The following PPEF2 variants were observed in gnomAD, a reference collection of about 807,000 sequenced individuals.
The protein encoded by PPEF2 is protein phosphatase with EF-hand domain 2, also known as serine/threonine-protein phosphatase with EF-hands 2.
Under a neutral mutation model 84.7 loss-of-function variants are expected in PPEF2, and 84 were observed. The ratio of observed to expected loss-of-function variants is 0.99; its 90% CI spans 0.83 to 1.19. The LOEUF (loss-of-function observed/expected upper bound fraction) is 1.19, where lower values mean the gene tolerates loss of function less well. PPEF2 is among the 50% of genes most tolerant of loss of function. The pLI is 0.00. For missense variants in PPEF2, 924 were observed against 937.5 expected (o/e 0.99, Z 0.19); for synonymous variants, 346 against 345.2 (o/e 1.00, Z -0.03).
chr4:75,892,476 C>G (rs1490526902), intron 2 of PPEF2, among the ~76,000 whole-genome samples: 1 of 152,142 alleles, frequency 6.6e-6, no homozygotes, highest in Non-Finnish European at 1.5e-5. Flanking sequence ...GCCTCAATGT[C>G]CTCATCTGGA....
chr4:75,886,446 T>C (rs76969066), intron 7 of PPEF2, among the ~76,000 whole-genome samples: 5 of 152,212 alleles, frequency 3.3e-5, no homozygotes, highest in Admixed American at 2.6e-4. Context: ...GACATTAAAC[T>C]GTTCGTAGAT....
chr4:75,901,482 C>T (rs1352334769), intron 1 of PPEF2, among the ~76,000 whole-genome samples: 1 of 150,404 alleles, frequency 6.6e-6, no homozygotes, highest in Non-Finnish European at 1.5e-5. Context: ...GATTTCGCCA[C>T]TACACTCCAG....
intron 11 of PPEF2, among the ~76,000 whole-genome samples, chr4:75,874,393 T>C (rs574008175): frequency 2.6e-5 from 4 of 151,908 alleles, no homozygotes; most frequent in African/African-American, 9.7e-5. Flanking sequence ...CCTCCCAGGT[T>C]CAAGCGATTC....
At chr4:75,877,468 T>C (rs1266846901) in intron 10 of PPEF2, among the ~76,000 whole-genome samples, 2 of 152,032 alleles carry the variant, frequency 1.3e-5, no homozygotes, top group African/African-American at 4.8e-5. Flanking sequence ...GTAGGTCCTT[T>C]GAGAGTACCA....
intron 7 of PPEF2, among the ~76,000 whole-genome samples, chr4:75,886,020 A>T (rs540783103): frequency 6.9e-4 from 104 of 151,164 alleles, no homozygotes; most frequent in African/African-American, 2.4e-3. Flanking sequence ...AAAAAAAAAA[A>T]AATTAGGCCA....
chr4:75,883,246 C>T, intron 8 of PPEF2, 44 bp from the exon 9 acceptor site: 1 of 1,557,242 alleles, frequency 6.4e-7, no homozygotes, highest in Non-Finnish European at 8.8e-7. Context: ...AACTGGGTGA[C>T]AATAATCAGG....
At position 75,876,357 on chromosome 4, in the gene PPEF2, G is replaced by T. The variant is rs761474787; in HGVS notation, c.1250C>A (p.Ser417Tyr). 6.2e-7 allele frequency: 1 copy of T among 1,614,080 alleles called. No individual in the cohort carries two copies. Among genetic ancestry groups the T allele is most frequent in the Non-Finnish European group, 8.5e-7 (1 of 1,180,036 alleles). The change falls in exon 11 of 17, where the codon TCC becomes TAC. Residue 417 changes from serine (S) to tyrosine (Y), a missense_variant. Physicochemically the swap from Ser to Tyr is moderately radical, Grantham distance 144 (BLOSUM62 -2). Transcript: ENST00000286719. Reference protein sequence around the residue: ...LLVTGEKEEPSRSASEADSEA... With the variant: ...LLVTGEKEEPYRSASEADSEA... ...AGAGTCTGCTTCTGAGGCTGAGCGG[G>T]AGGGCTCCTCTTTCTCTCCGGTCAC...
chr4:75,861,926 G>C (rs911415921), intron 16 of PPEF2, among the ~76,000 whole-genome samples: 1 of 149,762 alleles, frequency 6.7e-6, no homozygotes, highest in Admixed American at 6.7e-5. Flanking sequence ...CAGTTTTATA[G>C]CTAAAAAAAG....
At chr4:75,875,111 A>C (rs2149217978) in intron 11 of PPEF2, among the ~76,000 whole-genome samples, 2 of 151,832 alleles carry the variant, frequency 1.3e-5, no homozygotes, top group South Asian at 4.2e-4. Context: ...TCACCGTGTT[A>C]GCCAAGGATG....
chr4:75,880,190 T>C (rs1291513096), intron 10 of PPEF2, among the ~76,000 whole-genome samples: 1 of 152,178 alleles, frequency 6.6e-6, no homozygotes, highest in African/African-American at 2.4e-5. Flanking sequence ...CTTGAGGAGA[T>C]TAATAGTGTT....
intron 1 of PPEF2, among the ~76,000 whole-genome samples, chr4:75,897,396 A>G (rs1725033720): frequency 6.6e-6 from 1 of 152,070 alleles, no homozygotes; most frequent in South Asian, 2.1e-4. Context: ...TACCTCTTAG[A>G]TCTCTGTCTC....
chr4:75,885,190 C>T (rs982988310), intron 7 of PPEF2, among the ~76,000 whole-genome samples: 1 of 152,200 alleles, frequency 6.6e-6, no homozygotes, highest in African/African-American at 2.4e-5. Flanking sequence ...ATATTATACT[C>T]ATCTCCCTTG....
Position 75,875,887 on chromosome 4 carries a change from C to A in PPEF2, c.1320+400G>T, listed in dbSNP as rs373660218. ...CTGCAGCTAGGGGTGGCCATGTGAC[C>A]CAGTTCTAGAGATCTGGGGACAGCT... On this transcript the variant is annotated intron_variant, in intron 11 of 16. Coordinates refer to ENST00000286719, the MANE Select transcript of PPEF2 (RefSeq NM_006239.3). Among the ~76,000 whole-genome samples the A allele has an allele frequency of 1.6e-3, 237 of 152,222 alleles. 2 individuals are homozygous for A. The highest frequency in any genetic ancestry group is 5.3e-3 in the African/African-American group (221 of 41,532).
chr4:75,873,099 C>A (rs1280804605), intron 12 of PPEF2, 28 bp downstream of exon 12: 2 of 1,595,646 alleles, frequency 1.3e-6, no homozygotes, highest in Non-Finnish European at 1.7e-6. Context: ...GACACACAAG[C>A]CTGTACTGCT....
At chr4:75,874,682 G>C (rs756856369) in intron 11 of PPEF2, among the ~76,000 whole-genome samples, 14 of 152,178 alleles carry the variant, frequency 9.2e-5, no homozygotes, top group Non-Finnish European at 1.0e-4. Flanking sequence ...CACTGAGTCA[G>C]TTTGCAAAAG....
At chr4:75,874,421 G>C (rs750472646) in intron 11 of PPEF2, among the ~76,000 whole-genome samples, 5 of 151,540 alleles carry the variant, frequency 3.3e-5, no homozygotes, top group African/African-American at 1.2e-4. Flanking sequence ...TCAGTCTCTC[G>C]AGTAGCTGAG....
Position 75,896,275 on chromosome 4 carries a change from C to G in PPEF2, c.51G>C (p.Glu17Asp), listed in dbSNP as rs775312630. The G allele has an allele frequency of 1.6e-5, 26 of 1,614,036 alleles. No homozygotes were observed. The Admixed American group carries it at 3.7e-4, about 23-fold the overall frequency. Reference sequence around the variant, plus strand: ...TGGAAAGTGGGAAACACGTACCTCTCTCTGCATTCTGGAAAGCAAAATGAT... The same window carrying G: ...TGGAAAGTGGGAAACACGTACCTCTGTCTGCATTCTGGAAAGCAAAATGAT... ...TQHHFAFQNAERAFKAAALIQ... is the reference protein window; with the variant it reads ...TQHHFAFQNADRAFKAAALIQ... Residue 17 changes from glutamate (E) to aspartate (D), a missense_variant, in exon 2 of 17, where the codon GAG becomes GAC. Glu to Asp is a conservative substitution (Grantham distance 45). Transcript: ENST00000286719.
rs1235580366 is a variant in PPEF2 at position 75,891,889 on chromosome 4, G to A, written c.145C>T (p.Gln49Ter). ...TGCTGCCCAGCATATTCTATAGACT[G>A]GAAGATGCTCCAGGTGCAACGCCGC... Reference protein sequence around the residue: ...MRRRCTWSIFQSIEYAGQQDQ... With the variant: ...MRRRCTWSIF Residue 49 changes from glutamine (Q) to a stop codon, truncating the protein, a stop_gained, in exon 3 of 17, where the codon CAG becomes TAG. Coordinates refer to ENST00000286719, the MANE Select transcript of PPEF2 (RefSeq NM_006239.3). LOFTEE classifies it high-confidence loss of function. The A allele has an allele frequency of 1.2e-6, 2 of 1,613,988 alleles. No individual in the cohort carries two copies. Among genetic ancestry groups the A allele is most frequent in the Non-Finnish European group, 1.7e-6 (2 of 1,179,992 alleles).
At chr4:75,873,831 G>C (rs945131795) in intron 11 of PPEF2, among the ~76,000 whole-genome samples, 1 of 151,950 alleles carries the variant, frequency 6.6e-6, no homozygotes, top group Non-Finnish European at 1.5e-5. Flanking sequence ...AAGAGGCCAG[G>C]CATGGTGGCT....
Sources: gnomAD v4.1 joint callset for allele counts (sites outside exome capture counted in the v4.1 genomes callset) on GRCh38, gnomAD v4.1.1 for gene constraint, MANE v1.5 for transcripts, NCBI Gene and HGNC (gene_info 2026-07-23, HGNC 2026-07-21) for gene names.